PAMR1: variants seen among roughly 807,000 people sequenced by gnomAD.
The protein encoded by PAMR1 is inactive serine protease PAMR1.
PAMR1 carries 88 observed loss-of-function variants against 81.8 expected under a neutral mutation model. That is an observed-to-expected ratio of 1.08 (90% CI 0.91 to 1.28). The LOEUF (loss-of-function observed/expected upper bound fraction) is 1.28, where lower values mean the gene tolerates loss of function less well. Ranked by LOEUF, PAMR1 falls within the 50% of genes most tolerant of loss-of-function variation. PAMR1 has a pLI of 0.00. For synonymous variants in PAMR1, 336 were observed against 345.3 expected (o/e 0.97, Z 0.30); for missense variants, 935 against 919.7 (o/e 1.02, Z -0.21).
chr11:35,441,710 GAAAAGGAGAATTGTT>G lies in PAMR1; in HGVS notation c.821-32_821-18del. On this transcript the variant is annotated intron_variant, in intron 6 of 10. Coordinates refer to ENST00000619888, the MANE Select transcript of PAMR1 (RefSeq NM_001001991.3). ...CTTCAAGGACTAAAAGAAAGTAAAA[GAAAAGGAGAATTGTT>G]AAAAGTCTGAGTTATTCCATTTTAG... 1 of 1,540,002 alleles carries G rather than the reference GAAAAGGAGAATTGTT, an allele frequency of 6.5e-7. No individual in the cohort carries two copies. Among genetic ancestry groups the G allele is most frequent in the Non-Finnish European group, 8.9e-7 (1 of 1,129,078 alleles).
At chr11:35,470,901 G>A (rs2135379034) in intron 4 of PAMR1, 83 bp from the exon 5 acceptor site, 2 of 920,896 alleles carry the variant, frequency 2.2e-6, no homozygotes, top group East Asian at 2.5e-5. Context: ...GGCCAGATGA[G>A]GAACAGGCCT....
At chr11:35,439,733 T>C (rs1422835548) in intron 7 of PAMR1, 40 bp from the exon 8 acceptor site, 2 of 1,526,564 alleles carry the variant, frequency 1.3e-6, no homozygotes, top group Non-Finnish European at 9.1e-7. Flanking sequence ...TCCTTTTCCA[T>C]ATTCACTGTT....
At chr11:35,478,979 T>C (rs1248787013) in intron 3 of PAMR1, among the ~76,000 whole-genome samples, 3 of 152,156 alleles carry the variant, frequency 2.0e-5, no homozygotes, top group Non-Finnish European at 2.9e-5. Flanking sequence ...GGCTGGATAG[T>C]CCCTGCTTCT....
intron 6 of PAMR1, among the ~76,000 whole-genome samples, chr11:35,457,604 C>T (rs563114476): frequency 1.1e-4 from 17 of 152,256 alleles, no homozygotes; most frequent in South Asian, 2.1e-4. Flanking sequence ...CAAGGAAACA[C>T]CTTCATGAGG....
At chr11:35,496,616 G>T (rs146662245) in intron 1 of PAMR1, among the ~76,000 whole-genome samples, 2,415 of 152,330 alleles carry the variant, frequency 0.016, 35 homozygotes, top group Non-Finnish European at 0.026. Flanking sequence ...TGGAAAACAA[G>T]TGTTGGCAGA....
chr11:35,478,103 C>A (rs1262607928), intron 3 of PAMR1, among the ~76,000 whole-genome samples: 1 of 152,226 alleles, frequency 6.6e-6, no homozygotes, highest in East Asian at 1.9e-4. Context: ...AGCAGCAAAT[C>A]CTGCCAGCCT....
Position 35,441,525 on chromosome 11 carries a change from T to C in PAMR1, c.989A>G (p.Gln330Arg), listed in dbSNP as rs748746852. The change falls in exon 7 of 11, where the codon CAG becomes CGG. Residue 330 changes from glutamine to arginine, a missense_variant. Gln to Arg is a conservative substitution (Grantham distance 43). Transcript: ENST00000619888. ...TTTCCCTGACCACTCTCCATTCTGCTGGCAAGTTCTTTTCTCATTGCCACT... is the reference window on the plus strand; with the variant it reads ...TTTCCCTGACCACTCTCCATTCTGCCGGCAAGTTCTTTTCTCATTGCCACT... ...VLSGNEKRTC[Q>R]QNGEWSGKQP... The C allele has an allele frequency of 2.5e-6, 4 of 1,613,770 alleles. No homozygotes were observed. In the Admixed American group the frequency reaches 6.7e-5, roughly 27 times the overall value.
rs1032102163 is a variant in PAMR1, at chr11:35,506,475, T to G, written c.74-12203A>C. 3.3e-5 allele frequency among the ~76,000 whole-genome samples: 5 copies of G among 151,802 alleles called. No homozygotes were observed. In the East Asian group the frequency reaches 5.8e-4, roughly 18 times the overall value. ...TTAACTAACTTCTCTTAGCATTTCT[T>G]GTAAGATGGGTCTGGTGGTGGTAAT... On this transcript the variant is annotated intron_variant, in intron 1 of 10. Coordinates refer to ENST00000619888, the MANE Select transcript of PAMR1 (RefSeq NM_001001991.3).
At chr11:35,515,451 G>T (rs1565362160) in intron 1 of PAMR1, among the ~76,000 whole-genome samples, 1 of 152,180 alleles carries the variant, frequency 6.6e-6, no homozygotes, top group Non-Finnish European at 1.5e-5. Context: ...GCAACTTCAG[G>T]CAGGCTAGTC....
chr11:35,516,011 G>A (rs1274246441), intron 1 of PAMR1, among the ~76,000 whole-genome samples: 1 of 152,196 alleles, frequency 6.6e-6, no homozygotes, highest in Non-Finnish European at 1.5e-5. Flanking sequence ...AGTACAAGAA[G>A]GAAGGGGAGG....
intron 4 of PAMR1, among the ~76,000 whole-genome samples, chr11:35,473,800 G>C (rs1184590914): frequency 1.3e-5 from 2 of 152,064 alleles, no homozygotes; most frequent in African/African-American, 4.8e-5. Context: ...AGAGGATTAG[G>C]GATTTTAAAT....
chr11:35,458,210 G>C (rs1234534485), intron 6 of PAMR1, among the ~76,000 whole-genome samples: 5 of 152,162 alleles, frequency 3.3e-5, no homozygotes, highest in South Asian at 2.1e-4. Context: ...CCTTAGATAA[G>C]GGGAAGAAAG....
intron 6 of PAMR1, among the ~76,000 whole-genome samples, chr11:35,462,735 T>C (rs1158113480): frequency 1.3e-5 from 2 of 152,308 alleles, no homozygotes; most frequent in Non-Finnish European, 2.9e-5. Flanking sequence ...TTTGGTATTA[T>C]TTTTCTGGAG....
chr11:35,526,905 C>T (rs533167672), upstream of PAMR1, among the ~76,000 whole-genome samples: 10 of 152,140 alleles, frequency 6.6e-5, no homozygotes, highest in South Asian at 1.7e-3. Context: ...TAGATGTTGG[C>T]GGGCCCTGGT....
intron 3 of PAMR1, among the ~76,000 whole-genome samples, chr11:35,487,802 C>T (rs1850538598): frequency 6.6e-6 from 1 of 152,186 alleles, no homozygotes; most frequent in Admixed American, 6.5e-5. Context: ...GGCTTTACCC[C>T]AAAGTGTACG....
intron 1 of PAMR1, among the ~76,000 whole-genome samples, chr11:35,510,599 C>A (rs1303252270): frequency 1.3e-5 from 2 of 151,870 alleles, no homozygotes; most frequent in Non-Finnish European, 2.9e-5. Context: ...ATTTTGATGT[C>A]TATCCTTCAA....
At chr11:35,461,691 G>A (rs773440183) in intron 6 of PAMR1, among the ~76,000 whole-genome samples, 4 of 151,980 alleles carry the variant, frequency 2.6e-5, no homozygotes, top group South Asian at 2.1e-4. Context: ...ATGTTCAGTG[G>A]CAGCTTTTGT....
chr11:35,494,055 A>ACAACATGAAGG, intron 2 of PAMR1, 41 bp downstream of exon 2: 3 of 1,557,674 alleles, frequency 1.9e-6, no homozygotes, highest in Non-Finnish European at 2.7e-6. Context: ...ATTACCTCCA[A>ACAACATGAAGG]CAACATGAAG....
Position 35,434,812 on chromosome 11 carries a change from G to A in PAMR1, c.1334-8C>T. 1.2e-6 allele frequency: 2 copies of A among 1,610,308 alleles called. No individual in the cohort carries two copies. ...TCTCAATTTTCCCGCAGACTATGGAGAAAGTACCAGCTTAGTAAGATAAAC... is the reference window on the plus strand; with the variant it reads ...TCTCAATTTTCCCGCAGACTATGGAAAAAGTACCAGCTTAGTAAGATAAAC... On this transcript the variant is annotated splice_region_variant and splice_polypyrimidine_tract_variant and intron_variant, in intron 9 of 10. Coordinates refer to ENST00000619888, the MANE Select transcript of PAMR1 (RefSeq NM_001001991.3).
Sources: gnomAD v4.1 joint callset for allele counts (sites outside exome capture counted in the v4.1 genomes callset) on GRCh38, gnomAD v4.1.1 for gene constraint, MANE v1.5 for transcripts, NCBI Gene and HGNC (gene_info 2026-07-23, HGNC 2026-07-21) for gene names.